EHD4: variants seen among roughly 807,000 people sequenced by gnomAD.
EHD4 encodes the protein EH domain-containing protein 4.
A neutral mutation model predicts 51.0 loss-of-function variants in EHD4; 37 were observed. That is an observed-to-expected ratio of 0.73 (90% confidence interval 0.56 to 0.95). EHD4 has a LOEUF of 0.95. Ranked by LOEUF, EHD4 falls within the 40% of genes least tolerant of loss-of-function variation. The pLI is 0.00. For synonymous variants in EHD4, 297 were observed against 317.3 expected, an observed-to-expected ratio of 0.94 and a Z score of 0.68; for missense variants, 632 against 733.1, an observed-to-expected ratio of 0.86 and a Z score of 1.59.
intron 4 of EHD4, among the ~76,000 whole-genome samples, chr15:41,915,085 GACACACAC>G (rs10552371): frequency 8.0e-5 from 12 of 149,666 alleles, no homozygotes; most frequent in African/African-American, 2.7e-4. Context: ...CAGTCTTGGA[GACACACAC>G]ACACACACAC....
chr15:41,932,465 C>T (rs770647566), intron 3 of EHD4, among the ~76,000 whole-genome samples: 2 of 152,174 alleles, frequency 1.3e-5, no homozygotes, highest in Admixed American at 6.5e-5. Flanking sequence ...AAAGGTGAAA[C>T]GCTGCATACA....
rs890109897 is a variant in EHD4 at position 41,898,487 on chromosome 15, G to C, written c.*2158C>G. On this transcript the variant is annotated 3_prime_UTR_variant, in exon 6 of 6. Coordinates refer to ENST00000220325, the MANE Select transcript of EHD4 (RefSeq NM_139265.4). Reference sequence around the variant, plus strand: ...TGGGCATCTGTAAACCTTTGGGCAAGTGAATTCCCTCTTCTCTCTCAGTTC... The same window carrying C: ...TGGGCATCTGTAAACCTTTGGGCAACTGAATTCCCTCTTCTCTCTCAGTTC... 1.3e-5 allele frequency: 2 copies of C among 152,254 alleles called. No homozygotes were observed. Among genetic ancestry groups the C allele is most frequent in the Non-Finnish European group, 2.9e-5 (2 of 68,050 alleles). 9.4% of individuals were successfully genotyped at this position (152,254 alleles called of 1,614,324 possible).
At chr15:41,930,083 A>G (rs1294721826) in intron 3 of EHD4, among the ~76,000 whole-genome samples, 2 of 152,346 alleles carry the variant, frequency 1.3e-5, no homozygotes, top group East Asian at 1.9e-4. Context: ...TAGTTGCCCC[A>G]AAGTTTAACT....
chr15:41,934,843 T>C (rs950630268), intron 3 of EHD4, among the ~76,000 whole-genome samples: 2 of 152,190 alleles, frequency 1.3e-5, no homozygotes, highest in Admixed American at 6.5e-5. Flanking sequence ...CCCAGAGAAC[T>C]GAGTGGCAGG....
At chr15:41,911,465 A>AATG (rs948375326) in intron 4 of EHD4, among the ~76,000 whole-genome samples, 5 of 151,472 alleles carry the variant, frequency 3.3e-5, no homozygotes, top group African/African-American at 1.2e-4. Context: ...TCCGACAGTG[A>AATG]ATGCCTGGCT....
At chr15:41,951,862 A>T (rs568111056) in intron 2 of EHD4, among the ~76,000 whole-genome samples, 1 of 152,308 alleles carries the variant, frequency 6.6e-6, no homozygotes, top group South Asian at 2.1e-4. Flanking sequence ...TCAGCTCTGG[A>T]GTTGAAGAGT....
rs2067451559 is a variant in EHD4 at position 41,898,113 on chromosome 15, G to A, written c.*2532C>T. The A allele has an allele frequency of 6.6e-6, 1 of 152,240 alleles. No homozygotes were observed. The highest frequency in any genetic ancestry group is 6.5e-5 in the Admixed American group (1 of 15,282). The allele number at this position is 152,240 out of a possible 1,614,324, so 9.4% of individuals were successfully genotyped here. A position where few individuals can be genotyped will look rare whatever the true frequency, so the allele number is the denominator to read the frequency against. Reference sequence around the variant, plus strand: ...TCTTGATGAATGACTGCATGTAAGAGGATATTAAGAAAAGTGGCCAAATGA... The same window carrying A: ...TCTTGATGAATGACTGCATGTAAGAAGATATTAAGAAAAGTGGCCAAATGA... On this transcript the variant is annotated 3_prime_UTR_variant, in exon 6 of 6. Coordinates refer to ENST00000220325, the MANE Select transcript of EHD4 (RefSeq NM_139265.4).
rs1248477592 is a variant in EHD4 at position 41,897,122 on chromosome 15, T to C, written c.*3523A>G. ...TAGAAGCATTGCGTATTAACTGCAT[T>C]GGTTAACCAACATTGGAACCCAATA... On this transcript the variant is annotated 3_prime_UTR_variant, in exon 6 of 6. Transcript: ENST00000220325. The C allele has an allele frequency of 6.6e-6, 1 of 152,244 alleles. No homozygotes were observed. Among genetic ancestry groups the C allele is most frequent in the Non-Finnish European group, 1.5e-5 (1 of 68,052 alleles). The allele number at this position is 152,244 out of a possible 1,614,324, so 9.4% of individuals were successfully genotyped here. A position where few individuals can be genotyped will look rare whatever the true frequency, so the allele number is the denominator to read the frequency against.
At chr15:41,943,241 T>C in intron 2 of EHD4, 77 bp from the exon 3 acceptor site, 1 of 1,163,330 alleles carries the variant, frequency 8.6e-7, no homozygotes, top group Non-Finnish European at 1.2e-6. Flanking sequence ...TCTTGGCCTC[T>C]CTGGGCTTAC....
chr15:41,960,400 T>C (rs963861483), intron 1 of EHD4, among the ~76,000 whole-genome samples: 3 of 152,212 alleles, frequency 2.0e-5, no homozygotes, highest in African/African-American at 7.2e-5. Context: ...AGATAAAAGT[T>C]AAACAATTTT....
rs555791689 is a variant in EHD4 at position 41,966,537 on chromosome 15, C to T, written c.236+5722G>A. The stretch of plus-strand genomic sequence containing the variant: ...ATTGGTTCAGGGATGGGCATATGGT[C>T]AGGGTCAAACCAATGAGACTCAAGC... On this transcript the variant is annotated intron_variant, in intron 1 of 5. Coordinates refer to ENST00000220325, the MANE Select transcript of EHD4 (RefSeq NM_139265.4). Among the ~76,000 whole-genome samples the T allele has an allele frequency of 3.9e-5, 6 of 152,208 alleles. No homozygotes were observed. In the East Asian group the frequency reaches 1.2e-3, roughly 29 times the overall value.
At chr15:41,916,547 T>C (rs2067584761) in intron 4 of EHD4, among the ~76,000 whole-genome samples, 1 of 152,182 alleles carries the variant, frequency 6.6e-6, no homozygotes, top group Middle Eastern at 3.2e-3. Flanking sequence ...GAAAGGTTAA[T>C]AAACCAAAAT....
At position 41,951,550 on chromosome 15, in the gene EHD4, TG is replaced by T. The variant is rs542838768; in HGVS notation, c.413+2213del. ...TAACCACTCTTCCTGGTTTCTCCCT[TG>T]TGAATTCAGACTTCACAAAGTGGGA... On this transcript the variant is annotated intron_variant, in intron 2 of 5. Transcript: ENST00000220325. Among the ~76,000 whole-genome samples, 55 of 152,334 alleles carry T rather than the reference TG, an allele frequency of 3.6e-4. 1 individual carries two copies. In the South Asian group the frequency reaches 0.011, roughly 32 times the overall value.
rs901174360 is a variant in EHD4 at position 41,897,695 on chromosome 15, G to A, written c.*2950C>T. The A allele has an allele frequency of 9.8e-5, 15 of 152,384 alleles. No homozygotes were observed. Among genetic ancestry groups the A allele is most frequent in the African/African-American group, 3.6e-4 (15 of 41,576 alleles). 9.4% of individuals were successfully genotyped at this position (152,384 alleles called of 1,614,324 possible). On this transcript the variant is annotated 3_prime_UTR_variant, in exon 6 of 6. Transcript: ENST00000220325. ...CCCTCACTGGCAGGCTGACAACTTG[G>A]AAGCAGACTGTGGGAGCAATAGGCT...
Position 41,943,149 on chromosome 15 carries a change from C to G in EHD4, c.429G>C (p.Gln143His), listed in dbSNP as rs1173333616. The G allele has an allele frequency of 6.3e-7, 1 of 1,588,676 alleles. No homozygotes were observed. Among genetic ancestry groups the G allele is most frequent in the African/African-American group, 1.3e-5 (1 of 74,870 alleles). The change falls in exon 3 of 6, where the codon CAG (glutamine) becomes CAC (histidine). Residue 143 changes from glutamine to histidine, a missense_variant. By Grantham distance (24) the Gln-to-His change is conservative (BLOSUM62 0). Transcript: ENST00000220325. ...NAFLNRFMCS[Q>H]LPNQVLKSIS... ...TGCTCTTCAGGACCTGATTGGGGAG[C>G]TGTGAGCACATGAATCTGGAAGAGA...
chr15:41,965,932 C>G (rs1291255042), intron 1 of EHD4, among the ~76,000 whole-genome samples: 1 of 134,604 alleles, frequency 7.4e-6, no homozygotes, highest in African/African-American at 2.7e-5. Flanking sequence ...TGCCCACCCC[C>G]CGCCCCACCT....
At chr15:41,939,366 G>C (rs974814821) in intron 3 of EHD4, among the ~76,000 whole-genome samples, 1 of 152,134 alleles carries the variant, frequency 6.6e-6, no homozygotes, top group African/African-American at 2.4e-5. Flanking sequence ...CTACAGGTTA[G>C]TAACTAAACT....
At chr15:41,932,742 C>T (rs566095714) in intron 3 of EHD4, among the ~76,000 whole-genome samples, 28 of 152,266 alleles carry the variant, frequency 1.8e-4, no homozygotes, top group African/African-American at 5.3e-4. Context: ...TCTGCACTCT[C>T]GTGGCTTTCC....
In EHD4 at chr15:41,919,320, G is replaced by A. The variant is rs764891494; in HGVS notation, c.814C>T (p.Arg272Trp). 13 of 1,614,216 alleles carry A rather than the reference G, an allele frequency of 8.1e-6. No individual in the cohort carries two copies. In the East Asian group the frequency reaches 8.9e-5, roughly 11 times the overall value. ...AQPLQNTDNR[R>W]LFEAEAQDLF... is the part of the protein sequence containing the mutation. ...TCCTGGGCCTCAGCCTCGAAGAGCC[G>A]GCGGTTGTCCGTGTTCTGCAGGGGC... is the stretch of plus-strand genomic sequence containing the variant. Residue 272 changes from arginine (R) to tryptophan (W), a missense_variant, in exon 4 of 6, where the codon CGG (arginine) becomes TGG (tryptophan). Physicochemically the swap from Arg to Trp is moderately radical, Grantham distance 101. Coordinates refer to ENST00000220325, the MANE Select transcript of EHD4 (RefSeq NM_139265.4).
Sources: gnomAD v4.1 joint callset for allele counts (sites outside exome capture counted in the v4.1 genomes callset) on GRCh38, gnomAD v4.1.1 for gene constraint, MANE v1.5 for transcripts, NCBI Gene and HGNC (gene_info 2026-07-23, HGNC 2026-07-21) for gene names.